The following SLX4IP variants were observed in gnomAD, a reference collection of about 807,000 sequenced individuals.
SLX4IP encodes the protein protein SLX4IP.
A neutral mutation model predicts 32.9 loss-of-function variants in SLX4IP; 34 were observed. The ratio of observed to expected loss-of-function variants is 1.03; its 90% CI spans 0.79 to 1.38. SLX4IP has a LOEUF of 1.38. Among genes scored for constraint, SLX4IP ranks in the 40% most tolerant of loss-of-function variants. The pLI, the probability that SLX4IP is intolerant of heterozygous loss-of-function variation, is 0.00. For missense variants in SLX4IP, 444 were observed against 479.0 expected (o/e 0.93, Z 0.68); for synonymous variants, 172 against 171.7 (o/e 1.00, Z -0.01).
At chr20:10,594,742 G>A (rs1265536364) in intron 4 of SLX4IP, among the ~76,000 whole-genome samples, 3 of 152,076 alleles carry the variant, frequency 2.0e-5, no homozygotes, top group African/African-American at 7.2e-5. Flanking sequence ...TCATATTTGA[G>A]TTTTTTTGTC....
At chr20:10,535,173 T>C (rs2066028524) in intron 2 of SLX4IP, among the ~76,000 whole-genome samples, 1 of 152,106 alleles carries the variant, frequency 6.6e-6, no homozygotes, top group Admixed American at 6.5e-5. Flanking sequence ...AGGTGATGGC[T>C]TGGCCTGGAG....
At chr20:10,619,217 C>CTTTTTTTTTTT (rs59741153) in intron 6 of SLX4IP, among the ~76,000 whole-genome samples, 18 of 126,638 alleles carry the variant, frequency 1.4e-4, no homozygotes, top group East Asian at 2.3e-4. Context: ...CTTTTTTTTT[C>CTTTTTTTTTTT]TTTTTTTTTT....
intron 6 of SLX4IP, among the ~76,000 whole-genome samples, chr20:10,604,374 A>G (rs1363727998): frequency 1.3e-5 from 2 of 151,918 alleles, no homozygotes; most frequent in Admixed American, 6.6e-5. Context: ...TGTAGCCTTG[A>G]GAGCACACAT....
intron 4 of SLX4IP, among the ~76,000 whole-genome samples, chr20:10,565,849 A>C (rs778726900): frequency 1.3e-5 from 2 of 152,186 alleles, no homozygotes; most frequent in African/African-American, 2.4e-5. Flanking sequence ...CCAGAGTCTC[A>C]AGTCCCAGCT....
At chr20:10,610,548 C>T (rs547851667) in intron 6 of SLX4IP, among the ~76,000 whole-genome samples, 1 of 152,354 alleles carries the variant, frequency 6.6e-6, no homozygotes, top group East Asian at 1.9e-4. Context: ...CATCAGTATC[C>T]TCAAGTCTGA....
At chr20:10,483,988 A>G (rs1231965965) in intron 2 of SLX4IP, among the ~76,000 whole-genome samples, 2 of 152,154 alleles carry the variant, frequency 1.3e-5, no homozygotes, top group Non-Finnish European at 2.9e-5. Context: ...GTTTATTACC[A>G]TTAGATCATA....
chr20:10,439,911 T>A lies in SLX4IP; in HGVS notation c.-30+4458T>A, dbSNP rs190851921. The stretch of plus-strand genomic sequence containing the variant: ...GAGTACCACTTATATTTTGAGTTGA[T>A]GTAAGTATATTTCTAAAGTCTTTTT... On this transcript the variant is annotated intron_variant, in intron 1 of 7. Transcript: ENST00000334534. Among the ~76,000 whole-genome samples, 871 of 152,320 alleles carry A rather than the reference T, an allele frequency of 5.7e-3. 35 individuals are homozygous for A. Among genetic ancestry groups the A allele is most frequent in the Admixed American group, 0.054 (827 of 15,292 alleles).
Position 10,621,589 on chromosome 20 carries a change from T to G in SLX4IP, c.506+175T>G, listed in dbSNP as rs183420408. Among the ~76,000 whole-genome samples the G allele has an allele frequency of 1.2e-3, 190 of 152,256 alleles. 1 individual carries two copies. The highest frequency in any genetic ancestry group is 4.4e-3 in the African/African-American group (182 of 41,546). ...TGCTTTCTGGACAATAGGGATAGAA[T>G]CCTTGCTTCACAGGTGTGTTGCAAG... is the stretch of plus-strand genomic sequence containing the variant. On this transcript the variant is annotated intron_variant, in intron 7 of 7. Coordinates refer to ENST00000334534, the MANE Select transcript of SLX4IP (RefSeq NM_001009608.3).
intron 1 of SLX4IP, among the ~76,000 whole-genome samples, chr20:10,454,354 G>A (rs1357991455): frequency 6.6e-6 from 1 of 152,130 alleles, no homozygotes; most frequent in Non-Finnish European, 1.5e-5. Flanking sequence ...GAATAGGGAG[G>A]TTTCAGTCTG....
chr20:10,436,971 G>A (rs1415779733), intron 1 of SLX4IP, among the ~76,000 whole-genome samples: 1 of 150,486 alleles, frequency 6.6e-6, no homozygotes, highest in Non-Finnish European at 1.5e-5. Context: ...CTCATATCTT[G>A]TATGCATATT....
intron 2 of SLX4IP, among the ~76,000 whole-genome samples, chr20:10,493,554 T>TTCG (rs2065643382): frequency 1.8e-5 from 1 of 56,826 alleles, no homozygotes; most frequent in Non-Finnish European, 4.5e-5. Context: ...TTTCATTAAG[T>TTCG]TCTTTTTTTT....
At chr20:10,483,073 T>G (rs1049728848) in intron 2 of SLX4IP, among the ~76,000 whole-genome samples, 6 of 152,224 alleles carry the variant, frequency 3.9e-5, no homozygotes, top group Non-Finnish European at 8.8e-5. Context: ...ATGTATTATC[T>G]ATATATCACC....
At chr20:10,613,894 A>G (rs1025262158) in intron 6 of SLX4IP, 3 of 1,493,216 alleles carry the variant, frequency 2.0e-6, no homozygotes, top group Non-Finnish European at 2.8e-6. Context: ...TCCTCTAAAG[A>G]TATCTTTTTA....
Position 10,465,729 on chromosome 20 carries a change from C to T in SLX4IP, c.27+7498C>T, listed in dbSNP as rs548751158. Among the ~76,000 whole-genome samples, 66 of 152,336 alleles carry T rather than the reference C, an allele frequency of 4.3e-4. 1 individual carries two copies. In the East Asian group the frequency reaches 0.012, roughly 28 times the overall value. On this transcript the variant is annotated intron_variant, in intron 2 of 7. Coordinates refer to ENST00000334534, the MANE Select transcript of SLX4IP (RefSeq NM_001009608.3). Reference sequence around the variant, plus strand: ...CCATGTTGGCCAGGCTGGTCTCAAACTCCTGACTTTTAGTGATCCGCCTGC... The same window carrying T: ...CCATGTTGGCCAGGCTGGTCTCAAATTCCTGACTTTTAGTGATCCGCCTGC...
At chr20:10,552,306 G>A (rs996441197) in intron 2 of SLX4IP, among the ~76,000 whole-genome samples, 6 of 152,168 alleles carry the variant, frequency 3.9e-5, no homozygotes, top group Middle Eastern at 3.2e-3. Context: ...AAGCTGGAGA[G>A]TTGATCTTCT....
intron 6 of SLX4IP, among the ~76,000 whole-genome samples, chr20:10,607,953 A>G (rs567917693): frequency 3.3e-5 from 5 of 152,332 alleles, no homozygotes; most frequent in Non-Finnish European, 1.5e-5. Context: ...CACCACTGCC[A>G]TTCCTGCAAG....
intron 2 of SLX4IP, among the ~76,000 whole-genome samples, chr20:10,477,941 A>C (rs1312517691): frequency 2.8e-5 from 4 of 140,454 alleles, no homozygotes; most frequent in Non-Finnish European, 6.0e-5. Flanking sequence ...TCTATCGCCC[A>C]TGCTGGAGTG....
chr20:10,438,820 G>T (rs1013453274), intron 1 of SLX4IP, among the ~76,000 whole-genome samples: 3 of 151,698 alleles, frequency 2.0e-5, no homozygotes, highest in Non-Finnish European at 2.9e-5. Context: ...GTGCTTTTTG[G>T]GGGGTACGGG....
At chr20:10,458,115 A>G (rs961313266) in intron 1 of SLX4IP, 61 bp from the exon 2 acceptor site, 18 of 1,064,290 alleles carry the variant, frequency 1.7e-5, no homozygotes, top group African/African-American at 5.0e-5. Context: ...TTTTTCCTGT[A>G]TAATATCCAA....
Sources: gnomAD v4.1 joint callset for allele counts (sites outside exome capture counted in the v4.1 genomes callset) on GRCh38, gnomAD v4.1.1 for gene constraint, MANE v1.5 for transcripts, NCBI Gene and HGNC (gene_info 2026-07-23, HGNC 2026-07-21) for gene names.